The following CACNA2D3 variants were observed in gnomAD, a reference collection of about 807,000 sequenced individuals.
CACNA2D3 encodes the protein calcium voltage-gated channel auxiliary subunit alpha2delta 3.
Under a neutral mutation model 160.6 loss-of-function variants are expected in CACNA2D3, and 60 were observed. That is an observed-to-expected ratio of 0.37 (90% confidence interval 0.30 to 0.46). The LOEUF (loss-of-function observed/expected upper bound fraction) is 0.46. Among genes scored for constraint, CACNA2D3 ranks in the 20% least tolerant of loss-of-function variants. CACNA2D3 has a pLI of 1.00. For synonymous variants in CACNA2D3, 558 were observed against 492.9 expected (o/e 1.13, Z -1.75); for missense variants, 1,205 against 1,365.0 (o/e 0.88, Z 1.85).
chr3:54,818,353 GTATTTT>G (rs2106716606), intron 14 of CACNA2D3, among the ~76,000 whole-genome samples: 1 of 152,240 alleles, frequency 6.6e-6, no homozygotes, highest in Admixed American at 6.5e-5. Context: ...GCTTATTTTT[GTATTTT>G]TAGTAGAGAC....
chr3:54,470,275 T>C (rs756423306), intron 4 of CACNA2D3, among the ~76,000 whole-genome samples: 23 of 152,206 alleles, frequency 1.5e-4, no homozygotes, highest in Non-Finnish European at 2.1e-4. Context: ...GGGGCCAATA[T>C]TCAACATTCT....
intron 2 of CACNA2D3, among the ~76,000 whole-genome samples, chr3:54,179,933 A>C (rs569189328): frequency 1.5e-4 from 23 of 151,944 alleles, no homozygotes; most frequent in East Asian, 4.1e-4. Flanking sequence ...ACATCTTCCA[A>C]AATTCTTCAG....
At chr3:54,762,288 C>T (rs1056664333) in intron 12 of CACNA2D3, among the ~76,000 whole-genome samples, 17 of 152,148 alleles carry the variant, frequency 1.1e-4, no homozygotes, top group African/African-American at 4.1e-4. Context: ...CTAGAAGGGG[C>T]CTGCTTCTCT....
chr3:54,134,111 C>G (rs2107257489), intron 2 of CACNA2D3, among the ~76,000 whole-genome samples: 1 of 152,206 alleles, frequency 6.6e-6, no homozygotes, highest in South Asian at 2.1e-4. Context: ...AGCCACAGTT[C>G]TGTTTTTCTG....
rs182087421 is a variant in CACNA2D3 at position 54,439,038 on chromosome 3, C to A, written c.381+52264C>A. ...TTGATCACCTTGGCTGGATGGATTT[C>A]ATTTCCACCTGCCATTTTGAGAAAC... On this transcript the variant is annotated intron_variant, in intron 4 of 37. Transcript: ENST00000474759. 1.6e-4 allele frequency among the ~76,000 whole-genome samples: 25 copies of A among 152,268 alleles called. No homozygotes were observed. The East Asian group carries it at 3.7e-3, about 22-fold the overall frequency.
intron 4 of CACNA2D3, among the ~76,000 whole-genome samples, chr3:54,420,247 G>C (rs1211647658): frequency 1.3e-5 from 2 of 152,036 alleles, no homozygotes; most frequent in African/African-American, 2.4e-5. Context: ...ACTATGCCCA[G>C]CTAATTTTTG....
At chr3:54,282,003 G>T (rs1356564367) in intron 2 of CACNA2D3, among the ~76,000 whole-genome samples, 1 of 152,166 alleles carries the variant, frequency 6.6e-6, no homozygotes, top group Non-Finnish European at 1.5e-5. Context: ...TGCTTAAGTG[G>T]TCTCAGCAAA....
intron 13 of CACNA2D3, among the ~76,000 whole-genome samples, chr3:54,805,798 C>T (rs1703106889): frequency 6.6e-6 from 1 of 152,136 alleles, no homozygotes; most frequent in Non-Finnish European, 1.5e-5. Flanking sequence ...ATGCAAATAT[C>T]CTCAATCAAA....
chr3:55,021,625 GTATATATATATATATATA>G (rs61298986), intron 35 of CACNA2D3, among the ~76,000 whole-genome samples: 5 of 131,494 alleles, frequency 3.8e-5, no homozygotes, highest in African/African-American at 1.4e-4. Context: ...ATGTGTGTGT[GTATATATATATATATATA>G]TGTGTATATA....
At chr3:54,838,018 T>C (rs950992358) in intron 15 of CACNA2D3, among the ~76,000 whole-genome samples, 2 of 152,216 alleles carry the variant, frequency 1.3e-5, no homozygotes, top group African/African-American at 4.8e-5. Flanking sequence ...CTGAAAAGTT[T>C]TAGCAAATCA....
chr3:54,202,933 A>C (rs563559672), intron 2 of CACNA2D3, among the ~76,000 whole-genome samples: 16 of 152,348 alleles, frequency 1.1e-4, no homozygotes, highest in African/African-American at 3.1e-4. Flanking sequence ...TTAAGTGCAG[A>C]AAGTGAACTC....
intron 27 of CACNA2D3, chr3:54,924,681 A>T (rs764833227): frequency 8.1e-6 from 13 of 1,613,970 alleles, no homozygotes; most frequent in Admixed American, 5.0e-5. Flanking sequence ...GCATTTCCAG[A>T]GGTTGTCCTT....
intron 3 of CACNA2D3, among the ~76,000 whole-genome samples, chr3:54,333,135 T>G (rs2107519393): frequency 6.6e-6 from 1 of 151,836 alleles, no homozygotes; most frequent in South Asian, 2.1e-4. Flanking sequence ...GACAAGGGGT[T>G]TTTTTTTCCT....
intron 11 of CACNA2D3, among the ~76,000 whole-genome samples, chr3:54,681,826 G>A (rs1302815709): frequency 6.6e-6 from 1 of 152,026 alleles, no homozygotes; most frequent in East Asian, 1.9e-4. Flanking sequence ...TTGCAGGCAG[G>A]CATGCACCAC....
intron 27 of CACNA2D3, among the ~76,000 whole-genome samples, chr3:54,963,318 T>A (rs1030606722): frequency 2.6e-5 from 4 of 152,080 alleles, no homozygotes; most frequent in Non-Finnish European, 5.9e-5. Flanking sequence ...CCTTCCATCC[T>A]TAAGGAGTGC....
chr3:54,790,421 C>G (rs950683139), intron 13 of CACNA2D3, among the ~76,000 whole-genome samples: 1 of 152,122 alleles, frequency 6.6e-6, no homozygotes. Flanking sequence ...TTCCCATGAG[C>G]CAAGCTGGTG....
chr3:54,605,543 C>T (rs1189592320), intron 9 of CACNA2D3, among the ~76,000 whole-genome samples: 1 of 152,152 alleles, frequency 6.6e-6, no homozygotes, highest in African/African-American at 2.4e-5. Flanking sequence ...AGCCCATGCT[C>T]CCTACTTCAC....
chr3:54,280,064 G>A (rs199758204), intron 2 of CACNA2D3, among the ~76,000 whole-genome samples: 17,114 of 130,444 alleles, frequency 0.13, 1,056 homozygotes, highest in East Asian at 0.25. Context: ...TTGTTTGTTT[G>A]TTTGTTTATT....
intron 11 of CACNA2D3, among the ~76,000 whole-genome samples, chr3:54,727,076 C>A (rs1701291423): frequency 6.6e-6 from 1 of 152,070 alleles, no homozygotes; most frequent in Non-Finnish European, 1.5e-5. Context: ...GAAAAACAAC[C>A]CCATCAAAAA....
Sources: allele counts gnomAD v4.1 joint callset (sites outside exome capture counted in the v4.1 genomes callset), GRCh38; gene constraint gnomAD v4.1.1; transcripts MANE v1.5; gene names NCBI Gene and HGNC (gene_info 2026-07-23, HGNC 2026-07-21).